The following CDH13 variants were observed in gnomAD, a reference collection of about 807,000 sequenced individuals.
The protein encoded by CDH13 is cadherin 13.
In CDH13, 24 loss-of-function variants were observed where a neutral mutation model predicts 63.8. That is an observed-to-expected ratio of 0.38 (90% CI 0.27 to 0.53). The LOEUF is 0.53. Ranked by LOEUF, CDH13 falls within the 20% of genes least tolerant of loss-of-function variation. The pLI is 0.85. For missense variants in CDH13, 1,049 were observed against 903.1 expected (o/e 1.16, Z -2.07); for synonymous variants, 503 against 355.3 (o/e 1.42, Z -4.67).
Position 83,403,368 on chromosome 16 carries a change from A to G in CDH13, c.781+58362A>G, listed in dbSNP as rs115130902. On this transcript the variant is annotated intron_variant, in intron 6 of 13. Coordinates refer to ENST00000567109, the MANE Select transcript of CDH13 (RefSeq NM_001257.5). ...ACTGAACTGTCTTTAAAAATAATGT[A>G]AATTTAGCACTTTGGGAGGCCGAGG... Among the ~76,000 whole-genome samples the G allele has an allele frequency of 3.5e-3, 535 of 152,242 alleles. 7 individuals carry two copies. The highest frequency in any genetic ancestry group is 0.012 in the African/African-American group (517 of 41,530).
intron 6 of CDH13, among the ~76,000 whole-genome samples, chr16:83,349,747 C>T (rs144710247): frequency 1.7e-3 from 259 of 152,198 alleles, no homozygotes; most frequent in Admixed American, 4.5e-3. Context: ...ATTACAGACA[C>T]CTGCCACCAC....
At chr16:82,809,642 C>G (rs2037341463) in intron 1 of CDH13, among the ~76,000 whole-genome samples, 1 of 152,050 alleles carries the variant, frequency 6.6e-6, no homozygotes, top group Non-Finnish European at 1.5e-5. Context: ...CTTAGCATCC[C>G]ATATCTCAAG....
At chr16:82,725,345 G>A (rs62034474) in intron 1 of CDH13, among the ~76,000 whole-genome samples, 26,686 of 152,100 alleles carry the variant, frequency 0.18, 3,043 homozygotes, top group South Asian at 0.32. Context: ...AAGATGTCTT[G>A]GCTTATTGTT....
At chr16:83,336,868 G>A (rs1023611574) in intron 5 of CDH13, among the ~76,000 whole-genome samples, 2 of 152,150 alleles carry the variant, frequency 1.3e-5, no homozygotes, top group African/African-American at 4.8e-5. Flanking sequence ...TGGCTTTTAA[G>A]AGCCAGCTTC....
intron 2 of CDH13, among the ~76,000 whole-genome samples, chr16:83,005,987 T>G (rs898181892): frequency 6.6e-6 from 1 of 152,242 alleles, no homozygotes; most frequent in Non-Finnish European, 1.5e-5. Flanking sequence ...GTCCTTCATA[T>G]GTCATTGACA....
chr16:82,819,954 T>A (rs537529922), intron 1 of CDH13, among the ~76,000 whole-genome samples: 2 of 152,118 alleles, frequency 1.3e-5, no homozygotes, highest in Non-Finnish European at 2.9e-5. Flanking sequence ...GTGGAGCAAC[T>A]GGCTACTGTT....
intron 4 of CDH13, among the ~76,000 whole-genome samples, chr16:83,179,624 C>A (rs1332826815): frequency 6.6e-6 from 1 of 151,032 alleles, no homozygotes; most frequent in Non-Finnish European, 1.5e-5. Flanking sequence ...GGCACTCCAG[C>A]CTGGGCTACA....
At chr16:83,119,980 A>C (rs2035490944) in intron 3 of CDH13, among the ~76,000 whole-genome samples, 1 of 152,194 alleles carries the variant, frequency 6.6e-6, no homozygotes, top group Admixed American at 6.5e-5. Context: ...TATTCACTGA[A>C]GTTTCTCCTA....
intron 1 of CDH13, among the ~76,000 whole-genome samples, chr16:82,689,916 G>A (rs939411332): frequency 2.1e-5 from 3 of 141,518 alleles, no homozygotes; most frequent in Non-Finnish European, 3.0e-5. Flanking sequence ...AGGCCAAGGT[G>A]GGCTGATCAC....
intron 1 of CDH13, among the ~76,000 whole-genome samples, chr16:82,667,001 C>G (rs1192231077): frequency 6.6e-6 from 1 of 152,144 alleles, no homozygotes; most frequent in Non-Finnish European, 1.5e-5. Flanking sequence ...CACGCTTTGC[C>G]CTACTGCTTG....
chr16:83,787,016 T>C (rs1051172889), intron 13 of CDH13, among the ~76,000 whole-genome samples: 1 of 152,258 alleles, frequency 6.6e-6, no homozygotes, highest in African/African-American at 2.4e-5. Context: ...TAGCTATTCA[T>C]GTGTGTGTCC....
chr16:83,320,784 C>A (rs545581672), intron 5 of CDH13, among the ~76,000 whole-genome samples: 1 of 152,148 alleles, frequency 6.6e-6, no homozygotes, highest in Non-Finnish European at 1.5e-5. Context: ...CACACATCAC[C>A]GTCAGCCAAC....
chr16:83,734,576 C>G (rs549397953), intron 10 of CDH13, among the ~76,000 whole-genome samples: 4 of 144,302 alleles, frequency 2.8e-5, no homozygotes, highest in Non-Finnish European at 6.0e-5. Context: ...ACTCTGGGGA[C>G]TGTTGTGGGG....
intron 7 of CDH13, among the ~76,000 whole-genome samples, chr16:83,500,843 G>T (rs1362716525): frequency 6.6e-6 from 1 of 151,958 alleles, no homozygotes; most frequent in Non-Finnish European, 1.5e-5. Context: ...GCCTCCCAAA[G>T]TATTGGGATT....
intron 4 of CDH13, among the ~76,000 whole-genome samples, chr16:83,143,382 C>A (rs987746940): frequency 6.6e-6 from 1 of 152,046 alleles, no homozygotes; most frequent in Non-Finnish European, 1.5e-5. Flanking sequence ...TATTCATATA[C>A]ATACTATAAA....
intron 1 of CDH13, among the ~76,000 whole-genome samples, chr16:82,759,884 C>T (rs1414962888): frequency 6.6e-6 from 1 of 152,120 alleles, no homozygotes; most frequent in Non-Finnish European, 1.5e-5. Flanking sequence ...TTCCTTATAA[C>T]CCGTCTACCA....
At chr16:83,096,243 C>T (rs1741074215) in intron 3 of CDH13, among the ~76,000 whole-genome samples, 1 of 152,174 alleles carries the variant, frequency 6.6e-6, no homozygotes, top group East Asian at 1.9e-4. Context: ...CTCAGGAGTT[C>T]AGCAACCGAC....
chr16:83,680,464 G>T (rs545449840), intron 10 of CDH13, among the ~76,000 whole-genome samples: 9 of 152,256 alleles, frequency 5.9e-5, no homozygotes, highest in African/African-American at 2.2e-4. Context: ...ACTGAGTTAG[G>T]AACAGGATTC....
At chr16:82,995,873 G>A (rs60328764) in intron 2 of CDH13, among the ~76,000 whole-genome samples, 3,678 of 152,164 alleles carry the variant, frequency 0.024, 118 homozygotes, top group African/African-American at 0.075. Flanking sequence ...AATCGATATC[G>A]TTTAATTATG....
Sources: allele counts gnomAD v4.1 joint callset (sites outside exome capture counted in the v4.1 genomes callset), GRCh38; gene constraint gnomAD v4.1.1; transcripts MANE v1.5; gene names NCBI Gene and HGNC (gene_info 2026-07-23, HGNC 2026-07-21).